Variants in EYS observed in about 807,000 individuals in gnomAD.
EYS encodes the protein protein eyes shut homolog.
A neutral mutation model predicts 282.1 loss-of-function variants in EYS; 250 were observed. The ratio of observed to expected loss-of-function variants is 0.89; its 90% CI spans 0.80 to 0.98. The LOEUF (loss-of-function observed/expected upper bound fraction) is 0.98, where lower values mean the gene tolerates loss of function less well. Among genes scored for constraint, EYS ranks in the 50% least tolerant of loss-of-function variants. EYS has a pLI of 0.00. For missense variants in EYS, 4,016 were observed against 3,709.0 expected (o/e 1.08, Z -2.15); for synonymous variants, 1,355 against 1,282.9 (o/e 1.06, Z -1.20).
At chr6:64,319,583 T>C (rs931688128) in intron 29 of EYS, among the ~76,000 whole-genome samples, 14 of 151,942 alleles carry the variant, frequency 9.2e-5, no homozygotes, top group Non-Finnish European at 1.9e-4. Flanking sequence ...TGAAAAACTA[T>C]ATATTAAATT....
At chr6:64,327,322 G>T (rs1215139810) in intron 29 of EYS, among the ~76,000 whole-genome samples, 1 of 152,092 alleles carries the variant, frequency 6.6e-6, no homozygotes, top group Non-Finnish European at 1.5e-5. Context: ...GAGAGTGAAA[G>T]CACCTCGCAA....
intron 28 of EYS, among the ~76,000 whole-genome samples, chr6:64,394,450 A>T (rs1773283940): frequency 6.6e-6 from 1 of 152,334 alleles, no homozygotes; most frequent in East Asian, 1.9e-4. Context: ...TCAATGGAAC[A>T]GAATAGAGCC....
At chr6:64,119,542 A>G (rs1175393691) in intron 31 of EYS, among the ~76,000 whole-genome samples, 1 of 152,234 alleles carries the variant, frequency 6.6e-6, no homozygotes, top group Non-Finnish European at 1.5e-5. Context: ...TAAACCTGTT[A>G]AATTTGTGAG....
At chr6:65,512,005 A>AAAAG (rs1562232228) in intron 2 of EYS, among the ~76,000 whole-genome samples, 36 of 140,714 alleles carry the variant, frequency 2.6e-4, no homozygotes, top group South Asian at 4.5e-4. Context: ...AAAAAAAAAA[A>AAAAG]AAAGAAATCA....
chr6:64,298,479 G>A (rs1014587629), intron 30 of EYS, among the ~76,000 whole-genome samples: 1 of 152,096 alleles, frequency 6.6e-6, no homozygotes, highest in Non-Finnish European at 1.5e-5. Context: ...TCAACTTAGA[G>A]TGTTAATGAC....
chr6:63,937,343 TTC>T lies in EYS; in HGVS notation c.7055+47038_7055+47039del, dbSNP rs1765092642. The stretch of plus-strand genomic sequence containing the variant: ...TCCAAATTTTCTAGGCTTCTCTCTT[TTC>T]TTTTTTTTTTTTTTTTTTTTTTTTT... On this transcript the variant is annotated intron_variant, in intron 35 of 42. Transcript: ENST00000503581. Among the ~76,000 whole-genome samples the T allele has an allele frequency of 4.9e-5, 4 of 81,788 alleles. 1 individual carries two copies. The highest frequency in any genetic ancestry group is 1.0e-4 in the African/African-American group (2 of 19,290). The allele number at this position is 81,788 out of a possible 152,430, so 53.7% of individuals were successfully genotyped here. A position where few individuals can be genotyped will look rare whatever the true frequency, so the allele number is the denominator to read the frequency against.
At chr6:64,499,237 GTA>G (rs1776971079) in intron 26 of EYS, among the ~76,000 whole-genome samples, 1 of 152,172 alleles carries the variant, frequency 6.6e-6, no homozygotes, top group Non-Finnish European at 1.5e-5. Context: ...GTGATTATAT[GTA>G]TAGCTAACTT....
chr6:65,266,108 T>C (rs1381603637), intron 12 of EYS, among the ~76,000 whole-genome samples: 1 of 151,964 alleles, frequency 6.6e-6, no homozygotes, highest in African/African-American at 2.4e-5. Flanking sequence ...AAGTTGATAA[T>C]ATAGAGAGAA....
At chr6:64,106,804 A>G (rs965151738) in intron 31 of EYS, among the ~76,000 whole-genome samples, 1 of 151,656 alleles carries the variant, frequency 6.6e-6, no homozygotes, top group South Asian at 2.1e-4. Context: ...TATTCTCATT[A>G]CATATGTGTT....
intron 15 of EYS, among the ~76,000 whole-genome samples, chr6:64,923,414 T>C (rs539545667): frequency 6.6e-6 from 1 of 152,282 alleles, no homozygotes; most frequent in East Asian, 1.9e-4. Flanking sequence ...GGATATACAA[T>C]TCAAGTTGAG....
At chr6:64,079,311 C>A (rs1771879769) in intron 32 of EYS, among the ~76,000 whole-genome samples, 1 of 151,986 alleles carries the variant, frequency 6.6e-6, no homozygotes, top group African/African-American at 2.4e-5. Flanking sequence ...ACTGGCCTAG[C>A]CTGGCAAGTT....
chr6:64,003,081 G>C (rs1356370077), intron 33 of EYS, among the ~76,000 whole-genome samples: 2 of 152,116 alleles, frequency 1.3e-5, no homozygotes, highest in Non-Finnish European at 2.9e-5. Context: ...TAGATGAATG[G>C]ATAAAGAAAA....
Position 64,983,531 on chromosome 6 carries a change from A to G in EYS, c.2259+14051T>C, listed in dbSNP as rs1583358562. On this transcript the variant is annotated intron_variant, in intron 14 of 42. Transcript: ENST00000503581. ...ACTCATAAACAATGATGCTTCCAACATAATATTTTTAAAAACTCTTATTAC... is the reference window on the plus strand; with the variant it reads ...ACTCATAAACAATGATGCTTCCAACGTAATATTTTTAAAAACTCTTATTAC... Among the ~76,000 whole-genome samples the G allele has an allele frequency of 1.3e-5, 2 of 151,306 alleles. 1 individual carries two copies. The highest frequency in any genetic ancestry group is 3.9e-4 in the East Asian group (2 of 5,146).
intron 13 of EYS, among the ~76,000 whole-genome samples, chr6:65,044,388 A>G (rs1773035078): frequency 2.0e-5 from 3 of 151,578 alleles, no homozygotes; most frequent in South Asian, 2.1e-4. Context: ...CCTTGATTTC[A>G]TCCCATTTGT....
At chr6:64,714,529 T>C (rs796297423) in intron 22 of EYS, among the ~76,000 whole-genome samples, 88,401 of 135,150 alleles carry the variant, frequency 0.65, 30,300 homozygotes, top group Middle Eastern at 0.78. Flanking sequence ...TTTTTTTTTT[T>C]TTTTTTTTTT....
chr6:63,967,706 C>A (rs190631898), intron 35 of EYS, among the ~76,000 whole-genome samples: 1 of 152,132 alleles, frequency 6.6e-6, no homozygotes, highest in Non-Finnish European at 1.5e-5. Flanking sequence ...TAATTAATCC[C>A]CATAAGCAAA....
intron 21 of EYS, among the ~76,000 whole-genome samples, chr6:64,815,478 G>C (rs941245419): frequency 2.0e-5 from 3 of 152,016 alleles, no homozygotes; most frequent in Non-Finnish European, 4.4e-5. Flanking sequence ...AGGGTTTCAA[G>C]AATCTTTTAC....
intron 35 of EYS, among the ~76,000 whole-genome samples, chr6:63,980,905 C>G (rs1767058274): frequency 6.6e-6 from 1 of 151,864 alleles, no homozygotes; most frequent in African/African-American, 2.4e-5. Flanking sequence ...CGGCTAACAA[C>G]ATAGATAGGA....
intron 22 of EYS, among the ~76,000 whole-genome samples, chr6:64,630,295 C>T (rs1331626405): frequency 6.6e-6 from 1 of 152,004 alleles, no homozygotes; most frequent in Admixed American, 6.6e-5. Context: ...GACGGGATTT[C>T]ACCATGTTGG....
Sources: gnomAD v4.1 joint callset for allele counts (sites outside exome capture counted in the v4.1 genomes callset) on GRCh38, gnomAD v4.1.1 for gene constraint, MANE v1.5 for transcripts, NCBI Gene and HGNC (gene_info 2026-07-23, HGNC 2026-07-21) for gene names.